CPLANE1: variants seen among roughly 807,000 people sequenced by gnomAD.
CPLANE1 encodes ciliogenesis and planar polarity effector complex subunit 1.
Under a neutral mutation model 362.5 loss-of-function variants are expected in CPLANE1, and 263 were observed. That is an observed-to-expected ratio of 0.73 (90% confidence interval 0.66 to 0.80). CPLANE1 has a LOEUF of 0.80. CPLANE1 is among the 30% of genes least tolerant of loss of function. The probability of loss-of-function intolerance (pLI) is 0.00; values close to 1 mark genes in which losing one functional copy is unlikely to be tolerated. For synonymous variants in CPLANE1, 1,212 were observed against 1,302.6 expected, an observed-to-expected ratio of 0.93 and a Z score of 1.50; for missense variants, 3,461 against 3,793.4, an observed-to-expected ratio of 0.91 and a Z score of 2.30.
At chr5:37,115,462 G>A (rs1193451813) in intron 50 of CPLANE1, among the ~76,000 whole-genome samples, 2 of 152,016 alleles carry the variant, frequency 1.3e-5, no homozygotes, top group Non-Finnish European at 2.9e-5. Flanking sequence ...TCCATGTTAT[G>A]CAATATCTCT....
chr5:37,087,048 A>G, the CPLANE1 span, among the ~76,000 whole-genome samples: 1 of 152,210 alleles, frequency 6.6e-6, no homozygotes, highest in South Asian at 2.1e-4. Flanking sequence ...CTCAACAGAA[A>G]CAGTATATAA....
chr5:37,161,963 T>C (rs1156985473), intron 38 of CPLANE1, among the ~76,000 whole-genome samples: 1 of 152,184 alleles, frequency 6.6e-6, no homozygotes, highest in African/African-American at 2.4e-5. Context: ...GTGATAACAA[T>C]GGGTAGAGCA....
At chr5:37,120,148 A>C in intron 50 of CPLANE1, 68 bp downstream of exon 50, 1 of 1,499,930 alleles carries the variant, frequency 6.7e-7, no homozygotes. Flanking sequence ...ACTAATGAAA[A>C]CACAACTTTG....
At chr5:37,102,806 T>C (rs1192958895), downstream of CPLANE1, among the ~76,000 whole-genome samples, 4 of 152,056 alleles carry the variant, frequency 2.6e-5, no homozygotes, top group African/African-American at 9.7e-5. Context: ...TGCTGAGGGG[T>C]GTTTTACTTC....
intron 1 of CPLANE1, among the ~76,000 whole-genome samples, chr5:37,248,916 G>A (rs991686922): frequency 1.3e-5 from 2 of 152,234 alleles, no homozygotes; most frequent in South Asian, 4.1e-4. Flanking sequence ...TCCGGATCCT[G>A]CTCGAGAAGC....
At position 37,120,265 on chromosome 5, in the gene CPLANE1, G is replaced by T; in HGVS notation, c.9261C>A (p.Ile3087=). ...KVKYMSKPSY[I]HKRKSFGQPQ... is the part of the protein sequence containing the mutation. ...GTTGCCCAAAAGACTTCCTCTTATGGATATAACTCGGTTTGGACATATATT... is the reference window on the plus strand; with the variant it reads ...GTTGCCCAAAAGACTTCCTCTTATGTATATAACTCGGTTTGGACATATATT... The change falls in exon 50 of 53, where the codon ATC becomes ATA. Residue 3087 remains isoleucine (I), a synonymous_variant. Transcript: ENST00000651892. 1 of 1,602,132 alleles carries T rather than the reference G, an allele frequency of 6.2e-7. No homozygotes were observed. The highest frequency in any genetic ancestry group is 8.5e-7 in the Non-Finnish European group (1 of 1,176,202).
chr5:37,175,601 A>T (rs1223420633), intron 31 of CPLANE1, among the ~76,000 whole-genome samples: 1 of 152,230 alleles, frequency 6.6e-6, no homozygotes, highest in East Asian at 1.9e-4. Context: ...ACAAGAAATC[A>T]GTTAGAAGCT....
intron 32 of CPLANE1, among the ~76,000 whole-genome samples, chr5:37,172,070 C>A (rs1473649294): frequency 1.3e-5 from 2 of 151,940 alleles, no homozygotes; most frequent in African/African-American, 4.8e-5. Context: ...CCTCAGCCAC[C>A]CAAAGCACTA....
At chr5:37,216,735 C>T (rs7711452) in intron 15 of CPLANE1, among the ~76,000 whole-genome samples, 79,181 of 152,076 alleles carry the variant, frequency 0.52, 24,221 homozygotes, top group African/African-American at 0.87. Flanking sequence ...AATAAATTAG[C>T]TTAAAACTAC....
At position 37,224,535 on chromosome 5, in the gene CPLANE1, T is replaced by C; in HGVS notation, c.2497A>G (p.Asn833Asp). ...LNQTLELKSI[N>D]GEECFLLGSY... Reference sequence around the variant, plus strand: ...AAAATATTCATAAGATACTGACCATTGATAGATTTAAGTTCTAAGGTTTGA... The same window carrying C: ...AAAATATTCATAAGATACTGACCATCGATAGATTTAAGTTCTAAGGTTTGA... The change falls in exon 13 of 53, where the codon AAT becomes GAT. Residue 833 changes from asparagine to aspartate, a missense_variant. By Grantham distance (23) the Asn-to-Asp change is conservative. This residue lies in a region of CPLANE1 where 3,380 missense variants were observed against 3,666.1 expected (regional missense o/e 0.92). Coordinates refer to ENST00000651892, the MANE Select transcript of CPLANE1 (RefSeq NM_001384732.1). The C allele has an allele frequency of 1.3e-6, 2 of 1,542,484 alleles. No homozygotes were observed. The highest frequency in any genetic ancestry group is 1.4e-5 in the African/African-American group (1 of 72,970).
In CPLANE1 at chr5:37,206,310, A is replaced by C; in HGVS notation, c.3036T>G (p.Gly1012=). The C allele has an allele frequency of 2.6e-6, 4 of 1,551,700 alleles. No homozygotes were observed. The highest frequency in any genetic ancestry group is 3.5e-6 in the Non-Finnish European group (4 of 1,146,934). ...ACCACACAGCCTCTGGAACCAGGCC[A>C]CCAATAAATAGTAATTCAAGTGCAT... ...VEYALELLFI[G]GLVPEAVWLA... The change falls in exon 17 of 53, where the codon GGT becomes GGG. Residue 1012 remains glycine, a synonymous_variant. Coordinates refer to ENST00000651892, the MANE Select transcript of CPLANE1 (RefSeq NM_001384732.1).
chr5:37,080,893 C>G, the CPLANE1 span, among the ~76,000 whole-genome samples: 1 of 152,184 alleles, frequency 6.6e-6, no homozygotes, highest in African/African-American at 2.4e-5. Context: ...CAGAATAAAC[C>G]TGGCACGCAC....
At chr5:37,120,154 C>T in intron 50 of CPLANE1, 62 bp downstream of exon 50, 1 of 1,528,138 alleles carries the variant, frequency 6.5e-7, no homozygotes, top group Admixed American at 2.2e-5. Context: ...GAAAACACAA[C>T]TTTGGAGACA....
chr5:37,220,446 C>A (rs997421796), intron 15 of CPLANE1, among the ~76,000 whole-genome samples: 2 of 152,112 alleles, frequency 1.3e-5, no homozygotes, highest in African/African-American at 2.4e-5. Flanking sequence ...TCATATATAT[C>A]TTTCCCTCTG....
At chr5:37,208,998 G>A (rs995192553) in intron 16 of CPLANE1, among the ~76,000 whole-genome samples, 5 of 151,958 alleles carry the variant, frequency 3.3e-5, no homozygotes, top group African/African-American at 9.7e-5. Context: ...TCCAGAACGG[G>A]AAGGCTGTAC....
chr5:37,159,016 C>A (rs1325703923), intron 38 of CPLANE1, among the ~76,000 whole-genome samples: 4 of 151,118 alleles, frequency 2.6e-5, no homozygotes, highest in Admixed American at 2.6e-4. Flanking sequence ...GATCTCCTGA[C>A]CTCGTGATCC....
At chr5:37,232,858 A>G (rs1416748550) in intron 8 of CPLANE1, among the ~76,000 whole-genome samples, 1 of 151,358 alleles carries the variant, frequency 6.6e-6, no homozygotes, top group African/African-American at 2.4e-5. Flanking sequence ...AAAAAAAAAA[A>G]AAAAGAAAGA....
chr5:37,161,951 C>T (rs1002770773), intron 38 of CPLANE1, among the ~76,000 whole-genome samples: 1 of 152,136 alleles, frequency 6.6e-6, no homozygotes. Flanking sequence ...AAAAGAATTT[C>T]TGTGATAACA....
At chr5:37,242,512 A>G (rs899140227) in intron 6 of CPLANE1, among the ~76,000 whole-genome samples, 3 of 152,202 alleles carry the variant, frequency 2.0e-5, no homozygotes, top group African/African-American at 7.2e-5. Context: ...AGTTACTTTT[A>G]TAGTCTTAGA....
Sources: gnomAD v4.1 joint callset for allele counts (sites outside exome capture counted in the v4.1 genomes callset) on GRCh38, gnomAD v4.1.1 for gene constraint, gnomAD v4.1.1 regional missense constraint, MANE v1.5 for transcripts, NCBI Gene and HGNC (gene_info 2026-07-23, HGNC 2026-07-21) for gene names.